Variants in DGKB observed in about 807,000 individuals in gnomAD.
The protein encoded by DGKB is diacylglycerol kinase beta.
In DGKB, 67 loss-of-function variants were observed where a neutral mutation model predicts 114.3. The ratio of observed to expected loss-of-function variants is 0.59; its 90% CI spans 0.48 to 0.72. DGKB has a LOEUF of 0.72. Ranked by LOEUF, DGKB falls within the 30% of genes least tolerant of loss-of-function variation. The probability of loss-of-function intolerance (pLI) is 0.00; values close to 1 mark genes in which losing one functional copy is unlikely to be tolerated. For synonymous variants in DGKB, 398 were observed against 323.1 expected, an observed-to-expected ratio of 1.23 and a Z score of -2.49; for missense variants, 907 against 975.2, an observed-to-expected ratio of 0.93 and a Z score of 0.93.
chr7:14,666,504 G>A (rs969276738), intron 13 of DGKB, among the ~76,000 whole-genome samples: 4 of 151,960 alleles, frequency 2.6e-5, no homozygotes, highest in Non-Finnish European at 5.9e-5. Context: ...AGATTTCAGT[G>A]TGTTATCTGC....
At chr7:14,231,970 G>A (rs1030041046) in intron 23 of DGKB, among the ~76,000 whole-genome samples, 1 of 152,004 alleles carries the variant, frequency 6.6e-6, no homozygotes, top group African/African-American at 2.4e-5. Context: ...AGAAGTTGAT[G>A]TGTTTATTGG....
chr7:14,278,895 G>A (rs1040698931), intron 23 of DGKB, among the ~76,000 whole-genome samples: 2 of 152,170 alleles, frequency 1.3e-5, no homozygotes, highest in South Asian at 2.1e-4. Flanking sequence ...GGCCGAATAG[G>A]AACAGCTCAG....
intron 23 of DGKB, among the ~76,000 whole-genome samples, chr7:14,287,974 A>C (rs962427009): frequency 6.6e-6 from 1 of 152,130 alleles, no homozygotes; most frequent in Non-Finnish European, 1.5e-5. Context: ...TGGACCATAT[A>C]ATGGAGAGGA....
At chr7:14,658,683 A>C (rs1368148484) in intron 13 of DGKB, among the ~76,000 whole-genome samples, 1 of 151,812 alleles carries the variant, frequency 6.6e-6, no homozygotes, top group South Asian at 2.1e-4. Flanking sequence ...TACCCCATAA[A>C]CATGTACAAA....
At position 14,952,519 on chromosome 7, in the gene DGKB, T is replaced by C. The variant is rs556461967; in HGVS notation, c.-188+22177A>G. ...AATTCATATAAATATTCAAGGAAGC[T>C]GGAAGAGTTGAAATAATCCTCAAAA... On this transcript the variant is annotated intron_variant, in intron 1 of 4. Transcript: ENST00000437998. Among the ~76,000 whole-genome samples the C allele has an allele frequency of 5.3e-5, 8 of 151,262 alleles. No individual in the cohort carries two copies. In the East Asian group the frequency reaches 1.4e-3, roughly 26 times the overall value.
chr7:14,545,707 C>T (rs1373551251), intron 20 of DGKB, among the ~76,000 whole-genome samples: 1 of 152,168 alleles, frequency 6.6e-6, no homozygotes, highest in African/African-American at 2.4e-5. Flanking sequence ...GGGCAATGCC[C>T]ACTCTTCCCT....
chr7:14,532,929 T>A (rs987061774), intron 20 of DGKB, among the ~76,000 whole-genome samples: 2 of 151,732 alleles, frequency 1.3e-5, no homozygotes, highest in Admixed American at 6.6e-5. Context: ...TGTAAACTAT[T>A]CTGCAAATGG....
chr7:14,939,437 C>T (rs1322492471), intron 1 of DGKB, among the ~76,000 whole-genome samples: 1 of 151,958 alleles, frequency 6.6e-6, no homozygotes, highest in South Asian at 2.1e-4. Context: ...GTGATGGCTC[C>T]AACTCCATCA....
intron 2 of DGKB, among the ~76,000 whole-genome samples, chr7:14,790,733 T>C (rs1335876609): frequency 1.3e-5 from 2 of 152,172 alleles, no homozygotes; most frequent in Non-Finnish European, 2.9e-5. Context: ...TAAAATTGGG[T>C]AGACAAATTC....
At chr7:14,554,768 T>C (rs1795638219) in intron 20 of DGKB, among the ~76,000 whole-genome samples, 1 of 152,140 alleles carries the variant, frequency 6.6e-6, no homozygotes, top group Admixed American at 6.5e-5. Context: ...TATTGCATAA[T>C]TTTATCGTTC....
chr7:14,751,530 T>C (rs1333591449), intron 4 of DGKB, among the ~76,000 whole-genome samples: 2 of 152,184 alleles, frequency 1.3e-5, no homozygotes, highest in African/African-American at 2.4e-5. Context: ...ATATTGATGG[T>C]AATAGTGAAG....
chr7:14,540,439 T>C (rs1018538798), intron 20 of DGKB, among the ~76,000 whole-genome samples: 18 of 152,248 alleles, frequency 1.2e-4, no homozygotes, highest in African/African-American at 3.8e-4. Context: ...TTGGCAGGGA[T>C]GTCTAACCTA....
Position 14,613,364 on chromosome 7 carries a change from T to C in DGKB, c.1334A>G (p.Lys445Arg), listed in dbSNP as rs1442111539. Residue 445 changes from lysine to arginine, a missense_variant, in exon 16 of 26, where the codon AAA becomes AGA. Lys to Arg is a conservative substitution (Grantham distance 26, BLOSUM62 2). This residue lies in a region of DGKB where 814 missense variants were observed against 856.6 expected (regional missense o/e 0.95). Transcript: ENST00000402815. ...CCGTTCTCCTTGTTTTCCACCACTT[T>C]TGGGGTTCACAAAAACTAAAAGTGG... Reference protein sequence around the residue: ...THPLLVFVNPKSGGKQGERIY... With the variant: ...THPLLVFVNPRSGGKQGERIY... 6.4e-7 allele frequency: 1 copy of C among 1,571,396 alleles called. No individual in the cohort carries two copies. Among genetic ancestry groups the C allele is most frequent in the Non-Finnish European group, 8.6e-7 (1 of 1,156,428 alleles).
Position 14,682,484 on chromosome 7 carries a change from T to C in DGKB, c.1035+69A>G, listed in dbSNP as rs1821004102. On this transcript the variant is annotated intron_variant, in intron 12 of 25. Transcript: ENST00000402815. ...AGGAAGCCCTTCTAGGGTAGGACTT[T>C]CAGAGAGTATGATATACACGTCTTC... The C allele has an allele frequency of 6.6e-6, 7 of 1,063,672 alleles. No individual in the cohort carries two copies. The Admixed American group carries it at 7.2e-5, about 11-fold the overall frequency. 65.9% of individuals were successfully genotyped at this position (1,063,672 alleles called of 1,614,324 possible).
intron 1 of DGKB, among the ~76,000 whole-genome samples, chr7:14,971,621 G>T (rs928442849): frequency 1.3e-5 from 2 of 151,958 alleles, no homozygotes; most frequent in East Asian, 3.9e-4. Flanking sequence ...AATGAAAAAA[G>T]AAATAATAAG....
chr7:14,891,165 C>T (rs1007346330), intron 1 of DGKB, among the ~76,000 whole-genome samples: 2 of 151,272 alleles, frequency 1.3e-5, no homozygotes, highest in African/African-American at 4.8e-5. Context: ...TTCCAAAGCA[C>T]CAAGTAGATG....
intron 21 of DGKB, among the ~76,000 whole-genome samples, chr7:14,416,224 A>G (rs986919105): frequency 6.6e-6 from 1 of 151,848 alleles, no homozygotes; most frequent in Non-Finnish European, 1.5e-5. Context: ...TGTAGGTTGC[A>G]TATATTTTTA....
intron 21 of DGKB, among the ~76,000 whole-genome samples, chr7:14,424,782 T>C (rs570178490): frequency 1.3e-5 from 2 of 152,152 alleles, no homozygotes; most frequent in East Asian, 3.9e-4. Context: ...TTTGAAATAA[T>C]TGCCCAGATC....
At chr7:14,870,262 T>C (rs952568046) in intron 1 of DGKB, among the ~76,000 whole-genome samples, 1 of 152,202 alleles carries the variant, frequency 6.6e-6, no homozygotes, top group Non-Finnish European at 1.5e-5. Context: ...TCCTGTTTCT[T>C]CTACCTTGTA....
Sources: gnomAD v4.1 joint callset for allele counts (sites outside exome capture counted in the v4.1 genomes callset) on GRCh38, gnomAD v4.1.1 for gene constraint, gnomAD v4.1.1 regional missense constraint, MANE v1.5 for transcripts, NCBI Gene and HGNC (gene_info 2026-07-23, HGNC 2026-07-21) for gene names.